Variants in DLG2 observed in about 807,000 individuals in gnomAD.
The protein encoded by DLG2 is disks large homolog 2.
DLG2 carries 45 observed loss-of-function variants against 132.5 expected under a neutral mutation model. The observed-to-expected ratio is 0.34, with a 90% CI of 0.27 to 0.44. The LOEUF is 0.44. Among genes scored for constraint, DLG2 ranks in the 20% least tolerant of loss-of-function variants. DLG2 has a pLI of 1.00. For synonymous variants in DLG2, 424 were observed against 419.6 expected (o/e 1.01, Z -0.13); for missense variants, 1,045 against 1,196.9 (o/e 0.87, Z 1.87).
At chr11:84,233,231 C>T (rs907670192) in intron 8 of DLG2, among the ~76,000 whole-genome samples, 10 of 152,162 alleles carry the variant, frequency 6.6e-5, no homozygotes, top group East Asian at 3.9e-4. Flanking sequence ...GGTAGTTAAC[C>T]GCTACTCTAA....
chr11:84,599,470 T>G (rs553330057), intron 6 of DLG2, among the ~76,000 whole-genome samples: 2 of 152,320 alleles, frequency 1.3e-5, no homozygotes, highest in South Asian at 4.1e-4. Context: ...TGTGAAGAGC[T>G]GAGCAGAAAC....
intron 8 of DLG2, among the ~76,000 whole-genome samples, chr11:84,202,588 C>T (rs1033615664): frequency 7.9e-5 from 12 of 152,110 alleles, no homozygotes; most frequent in African/African-American, 2.7e-4. Context: ...ACACCAAAAG[C>T]AATTGAAACA....
chr11:84,971,443 C>T (rs1026088321), intron 6 of DLG2, among the ~76,000 whole-genome samples: 25 of 152,190 alleles, frequency 1.6e-4, no homozygotes, highest in African/African-American at 4.1e-4. Context: ...TTAGATTTTA[C>T]GCACTTAAGA....
At chr11:85,112,020 C>A (rs2072840539) in intron 5 of DLG2, among the ~76,000 whole-genome samples, 1 of 152,092 alleles carries the variant, frequency 6.6e-6, no homozygotes, top group Admixed American at 6.6e-5. Context: ...CACCTGAGAA[C>A]TCTTACAACC....
At chr11:83,574,136 A>C (rs2096839670) in intron 19 of DLG2, among the ~76,000 whole-genome samples, 1 of 152,116 alleles carries the variant, frequency 6.6e-6, no homozygotes, top group Non-Finnish European at 1.5e-5. Flanking sequence ...TCCCCTCACC[A>C]CATTCTTTTG....
At chr11:85,545,266 T>C (rs1367150294) in intron 3 of DLG2, among the ~76,000 whole-genome samples, 2 of 152,134 alleles carry the variant, frequency 1.3e-5, no homozygotes, top group Non-Finnish European at 2.9e-5. Context: ...TTGTCATTGG[T>C]TCTGTTTATG....
intron 16 of DLG2, among the ~76,000 whole-genome samples, chr11:83,860,602 C>T (rs1204626146): frequency 6.6e-6 from 1 of 152,216 alleles, no homozygotes; most frequent in African/African-American, 2.4e-5. Context: ...ATGGAAGCAA[C>T]TTGCCTTATC....
At chr11:84,226,862 C>G (rs561425788) in intron 8 of DLG2, among the ~76,000 whole-genome samples, 1 of 151,944 alleles carries the variant, frequency 6.6e-6, no homozygotes, top group East Asian at 1.9e-4. Context: ...CCAAGGCAGG[C>G]GGCACATGAG....
At chr11:83,943,607 T>C (rs909082639) in intron 14 of DLG2, among the ~76,000 whole-genome samples, 2 of 152,274 alleles carry the variant, frequency 1.3e-5, no homozygotes, top group African/African-American at 4.8e-5. Flanking sequence ...ATATATTCTG[T>C]TACTAACAAG....
chr11:84,980,408 A>C (rs1241416977), intron 6 of DLG2, among the ~76,000 whole-genome samples: 1 of 152,076 alleles, frequency 6.6e-6, no homozygotes, highest in East Asian at 1.9e-4. Flanking sequence ...GTACTTTCTG[A>C]AGCTTAAAAC....
chr11:85,418,400 G>A (rs1437746836), intron 3 of DLG2, among the ~76,000 whole-genome samples: 2 of 152,194 alleles, frequency 1.3e-5, no homozygotes, highest in African/African-American at 2.4e-5. Context: ...GATGTGTGCT[G>A]AGAAGAATGT....
chr11:84,881,015 T>C (rs1001151672), intron 6 of DLG2, among the ~76,000 whole-genome samples: 3 of 152,084 alleles, frequency 2.0e-5, no homozygotes, highest in African/African-American at 7.2e-5. Context: ...TGTAAATAAT[T>C]ATACGAGGAA....
chr11:85,445,451 G>C (rs575079991), intron 3 of DLG2, among the ~76,000 whole-genome samples: 1 of 152,292 alleles, frequency 6.6e-6, no homozygotes, highest in East Asian at 1.9e-4. Flanking sequence ...GCCAAGGTGG[G>C]TGGATCACCT....
chr11:85,297,264 T>C (rs2079290712), intron 3 of DLG2, among the ~76,000 whole-genome samples: 7 of 152,142 alleles, frequency 4.6e-5, no homozygotes, highest in Admixed American at 4.6e-4. Flanking sequence ...ACTGGTTAAA[T>C]AAAGTATACT....
At position 83,633,240 on chromosome 11, in the gene DLG2, T is replaced by C; in HGVS notation, c.1911A>G (p.Arg637=). ...CGTAGAGGGAGCGTTTCTGATTGGT[T>C]CGCAGGGATCCGGACCCGGAGCTCA... ...HSMSSGSGSL[R]TNQKRSLYVR... The change falls in exon 19 of 28, where the codon CGA becomes CGG. Residue 637 remains arginine, a synonymous_variant. Coordinates refer to ENST00000376104, the MANE Select transcript of DLG2 (RefSeq NM_001142699.3). 1 of 1,613,734 alleles carries C rather than the reference T, an allele frequency of 6.2e-7. No homozygotes were observed. The highest frequency in any genetic ancestry group is 8.5e-7 in the Non-Finnish European group (1 of 1,179,740).
At chr11:85,344,811 T>C (rs1206835360) in intron 3 of DLG2, among the ~76,000 whole-genome samples, 1 of 152,180 alleles carries the variant, frequency 6.6e-6, no homozygotes, top group African/African-American at 2.4e-5. Context: ...TAAATGTTTT[T>C]CAATTCCTGC....
At chr11:85,013,637 C>A (rs1463469806) in intron 6 of DLG2, among the ~76,000 whole-genome samples, 1 of 152,066 alleles carries the variant, frequency 6.6e-6, no homozygotes, top group Non-Finnish European at 1.5e-5. Context: ...AAATATCTAG[C>A]TCATGAAATC....
intron 7 of DLG2, among the ~76,000 whole-genome samples, chr11:84,319,401 T>A (rs1268756346): frequency 6.6e-6 from 1 of 152,200 alleles, no homozygotes; most frequent in Non-Finnish European, 1.5e-5. Context: ...AGTTTGGCTG[T>A]CTCCAATCTT....
At chr11:84,826,324 T>C (rs1415308528) in intron 6 of DLG2, among the ~76,000 whole-genome samples, 1 of 151,898 alleles carries the variant, frequency 6.6e-6, no homozygotes, top group Non-Finnish European at 1.5e-5. Flanking sequence ...TTTGTACCTA[T>C]TAGCCTTCCC....
Sources: gnomAD v4.1 joint callset for allele counts (sites outside exome capture counted in the v4.1 genomes callset) on GRCh38, gnomAD v4.1.1 for gene constraint, MANE v1.5 for transcripts, NCBI Gene and HGNC (gene_info 2026-07-23, HGNC 2026-07-21) for gene names.